Variants in ELMO1 observed in about 807,000 individuals in gnomAD.
ELMO1 encodes engulfment and cell motility 1, also known as engulfment and cell motility protein 1.
A neutral mutation model predicts 98.9 loss-of-function variants in ELMO1; 26 were observed. The observed-to-expected ratio is 0.26, with a 90% confidence interval of 0.19 to 0.36. The LOEUF (loss-of-function observed/expected upper bound fraction) is 0.36, where lower values mean the gene tolerates loss of function less well. Among genes scored for constraint, ELMO1 ranks in the 10% least tolerant of loss-of-function variants. The pLI, the probability that ELMO1 is intolerant of heterozygous loss-of-function variation, is 1.00. For missense variants in ELMO1, 627 were observed against 935.2 expected (o/e 0.67, Z 4.30); for synonymous variants, 346 against 346.0 (o/e 1.00, Z 0.00).
At chr7:37,154,225 C>A (rs1223737292) in intron 13 of ELMO1, among the ~76,000 whole-genome samples, 2 of 152,192 alleles carry the variant, frequency 1.3e-5, no homozygotes, top group Non-Finnish European at 2.9e-5. Context: ...AACAGAAAGG[C>A]TGAAAATTCC....
intron 16 of ELMO1, among the ~76,000 whole-genome samples, chr7:36,922,570 T>C (rs377224945): frequency 2.0e-5 from 3 of 152,108 alleles, no homozygotes; most frequent in African/African-American, 7.2e-5. Context: ...TTCCCAAAGA[T>C]GACTTGACAG....
At chr7:37,426,681 A>C (rs1412987968) in intron 1 of ELMO1, among the ~76,000 whole-genome samples, 3 of 152,186 alleles carry the variant, frequency 2.0e-5, no homozygotes, top group Non-Finnish European at 4.4e-5. Context: ...GTCTCGCCTC[A>C]GAAGTGTCAC....
intron 4 of ELMO1, among the ~76,000 whole-genome samples, chr7:37,284,558 A>G (rs1376370663): frequency 6.6e-6 from 1 of 152,160 alleles, no homozygotes; most frequent in Admixed American, 6.5e-5. Context: ...ACAACCCAGC[A>G]AACAAGGCCA....
At position 37,188,501 on chromosome 7, in the gene ELMO1, A is replaced by AATATT. The variant is rs1554438183; in HGVS notation, c.1086+22884_1086+22885insAATAT. On this transcript the variant is annotated intron_variant, in intron 13 of 21. Coordinates refer to ENST00000310758, the MANE Select transcript of ELMO1 (RefSeq NM_014800.11). ...CTGGAGAAAGGTAAAAAAAAAAAAA[A>AATATT]AATAATAATAATAATAATAATAATA... is the stretch of plus-strand genomic sequence containing the variant. Among the ~76,000 whole-genome samples, 2 of 125,960 alleles carry AATATT rather than the reference A, an allele frequency of 1.6e-5. 1 individual carries two copies. The highest frequency in any genetic ancestry group is 5.1e-4 in the South Asian group (2 of 3,946). The allele number at this position is 125,960 out of a possible 152,430, so 82.6% of individuals were successfully genotyped here.
Position 37,005,156 on chromosome 7 carries a change from A to C in ELMO1, c.1437+8143T>G, listed in dbSNP as rs139882233. On this transcript the variant is annotated intron_variant, in intron 16 of 21. Coordinates refer to ENST00000310758, the MANE Select transcript of ELMO1 (RefSeq NM_014800.11). ...AAGAAAAAAAGAAAATTACATGAACAGGGTCAACAAAATCCAACTCTTTCT... is the reference window on the plus strand; with the variant it reads ...AAGAAAAAAAGAAAATTACATGAACCGGGTCAACAAAATCCAACTCTTTCT... Among the ~76,000 whole-genome samples, 304 of 151,266 alleles carry C rather than the reference A, an allele frequency of 2.0e-3. 1 individual carries two copies. Among genetic ancestry groups the C allele is most frequent in the African/African-American group, 7.1e-3 (293 of 41,260 alleles).
chr7:37,283,534 T>C (rs528365533), intron 4 of ELMO1, among the ~76,000 whole-genome samples: 138 of 152,354 alleles, frequency 9.1e-4, no homozygotes, highest in African/African-American at 3.1e-3. Flanking sequence ...AATGTAATTA[T>C]GTAGATGTGA....
intron 15 of ELMO1, among the ~76,000 whole-genome samples, chr7:37,058,547 C>T (rs1249148943): frequency 1.3e-5 from 2 of 152,162 alleles, no homozygotes; most frequent in African/African-American, 4.8e-5. Flanking sequence ...TCCAGGCTTT[C>T]ATCAGACTGA....
At chr7:37,164,613 G>C (rs1789504532) in intron 13 of ELMO1, among the ~76,000 whole-genome samples, 1 of 152,166 alleles carries the variant, frequency 6.6e-6, no homozygotes, top group Admixed American at 6.5e-5. Context: ...CCTATTTCTT[G>C]TTTTTCTCAG....
intron 16 of ELMO1, among the ~76,000 whole-genome samples, chr7:37,010,156 G>A (rs543218599): frequency 0.018 from 2,692 of 152,268 alleles, 37 homozygotes; most frequent in Non-Finnish European, 0.029. Context: ...GTCACTAGCA[G>A]AACTCTGTGA....
chr7:36,962,901 T>C (rs956522869), intron 16 of ELMO1, among the ~76,000 whole-genome samples: 6 of 151,802 alleles, frequency 4.0e-5, no homozygotes, highest in Admixed American at 2.0e-4. Context: ...TTAAAGAAAA[T>C]TGGAAAAGTA....
chr7:37,308,867 G>A (rs377018782), intron 4 of ELMO1, among the ~76,000 whole-genome samples: 1 of 152,152 alleles, frequency 6.6e-6, no homozygotes, highest in East Asian at 1.9e-4. Context: ...AACATCCATA[G>A]CAGAAATCAG....
chr7:37,227,798 A>G (rs1362699392), intron 8 of ELMO1, among the ~76,000 whole-genome samples: 1 of 152,220 alleles, frequency 6.6e-6, no homozygotes, highest in Non-Finnish European at 1.5e-5. Flanking sequence ...GGTGGTAAAA[A>G]TAATTTGCTG....
intron 6 of ELMO1, among the ~76,000 whole-genome samples, chr7:37,245,324 C>T (rs1235999003): frequency 4.6e-5 from 7 of 152,146 alleles, no homozygotes; most frequent in Admixed American, 4.6e-4. Context: ...GGACTCTGCA[C>T]TGTGACAATA....
intron 13 of ELMO1, among the ~76,000 whole-genome samples, chr7:37,158,400 T>A (rs1788947875): frequency 6.6e-6 from 1 of 152,128 alleles, no homozygotes; most frequent in African/African-American, 2.4e-5. Context: ...AATTTTGCAA[T>A]CTATCCATCT....
intron 13 of ELMO1, among the ~76,000 whole-genome samples, chr7:37,190,036 C>A (rs1791469190): frequency 2.4e-5 from 1 of 41,710 alleles, no homozygotes. Context: ...CGTTTTGTCC[C>A]TACCAAAAAA....
At chr7:37,287,408 C>G (rs1797447639) in intron 4 of ELMO1, among the ~76,000 whole-genome samples, 1 of 152,108 alleles carries the variant, frequency 6.6e-6, no homozygotes, top group African/African-American at 2.4e-5. Flanking sequence ...AGTCCACAGG[C>G]TATAGTTGCT....
chr7:37,348,348 T>C (rs753698089), intron 1 of ELMO1, among the ~76,000 whole-genome samples: 1 of 152,122 alleles, frequency 6.6e-6, no homozygotes, highest in Non-Finnish European at 1.5e-5. Flanking sequence ...GGCTAGACAT[T>C]CTAATCATCA....
At position 37,070,232 on chromosome 7, in the gene ELMO1, T is replaced by C. The variant is rs143693099; in HGVS notation, c.1300+26387A>G. Among the ~76,000 whole-genome samples the C allele has an allele frequency of 1.4e-4, 22 of 152,306 alleles. No individual in the cohort carries two copies. The East Asian group carries it at 3.3e-3, about 23-fold the overall frequency. ...CATCACCCTACGTTCCTGGCACCAT[T>C]GGATGGCAGAGGAGCCCATGCTGCT... On this transcript the variant is annotated intron_variant, in intron 15 of 21. Coordinates refer to ENST00000310758, the MANE Select transcript of ELMO1 (RefSeq NM_014800.11).
chr7:37,058,891 A>C (rs2129211408), intron 15 of ELMO1, among the ~76,000 whole-genome samples: 1 of 152,308 alleles, frequency 6.6e-6, no homozygotes, highest in Middle Eastern at 3.4e-3. Context: ...AGATTTCTGG[A>C]ACCCATTGTG....
Sources: gnomAD v4.1 joint callset for allele counts (sites outside exome capture counted in the v4.1 genomes callset) on GRCh38, gnomAD v4.1.1 for gene constraint, MANE v1.5 for transcripts, NCBI Gene and HGNC (gene_info 2026-07-23, HGNC 2026-07-21) for gene names.